Variants in TBX15 observed in about 807,000 individuals in gnomAD.
The protein encoded by TBX15 is T-box transcription factor TBX15.
Under a neutral mutation model 53.9 loss-of-function variants are expected in TBX15, and 18 were observed. That is an observed-to-expected ratio of 0.33 (90% CI 0.23 to 0.49). The LOEUF is 0.49. Among genes scored for constraint, TBX15 ranks in the 20% least tolerant of loss-of-function variants. The probability of loss-of-function intolerance (pLI) is 0.98; values close to 1 mark genes in which losing one functional copy is unlikely to be tolerated. For synonymous variants in TBX15, 295 were observed against 278.0 expected (o/e 1.06, Z -0.61); for missense variants, 692 against 749.5 (o/e 0.92, Z 0.90).
intron 1 of TBX15, among the ~76,000 whole-genome samples, chr1:118,980,305 G>A (rs1363626976): frequency 2.6e-5 from 4 of 152,062 alleles, no homozygotes; most frequent in Non-Finnish European, 4.4e-5. Flanking sequence ...CGGAAAATCG[G>A]TTCATCCAGT....
intron 7 of TBX15, among the ~76,000 whole-genome samples, chr1:118,893,598 G>A (rs533762789): frequency 0.015 from 1,741 of 118,998 alleles, 125 homozygotes; most frequent in African/African-American, 0.075. Context: ...AAGGAAGGAA[G>A]GAAAGAAAGA....
intron 6 of TBX15, among the ~76,000 whole-genome samples, chr1:118,910,145 T>C (rs1445022859): frequency 6.6e-6 from 1 of 152,138 alleles, no homozygotes; most frequent in Non-Finnish European, 1.5e-5. Flanking sequence ...GGGATTGAGA[T>C]TGACAAACCT....
rs906346611 is a variant in TBX15, at chr1:118,899,198, A to C, written c.927-73T>G. ...ATGCATTGACTTTTCAGAGATCCAGAGGTGGACTGTCAAACAGGTAATAAA... is the reference window on the plus strand; with the variant it reads ...ATGCATTGACTTTTCAGAGATCCAGCGGTGGACTGTCAAACAGGTAATAAA... On this transcript the variant is annotated intron_variant, in intron 6 of 7. Transcript: ENST00000369429. 4.4e-6 allele frequency: 6 copies of C among 1,349,238 alleles called. No homozygotes were observed. In the East Asian group the frequency reaches 1.4e-4, roughly 32 times the overall value. The allele number at this position is 1,349,238 out of a possible 1,614,324, so 83.6% of individuals were successfully genotyped here.
intron 1 of TBX15, among the ~76,000 whole-genome samples, chr1:118,934,822 G>C (rs1354678611): frequency 6.6e-6 from 1 of 152,214 alleles, no homozygotes; most frequent in Non-Finnish European, 1.5e-5. Context: ...GGCATAGGCA[G>C]TATTTGTCCA....
chr1:118,952,492 T>C (rs1395810475), intron 1 of TBX15, among the ~76,000 whole-genome samples: 1 of 152,164 alleles, frequency 6.6e-6, no homozygotes, highest in Non-Finnish European at 1.5e-5. Flanking sequence ...CTCAATTATT[T>C]TAAGTGTGGG....
At chr1:118,959,330 C>T (rs1343842878) in intron 1 of TBX15, among the ~76,000 whole-genome samples, 1 of 152,148 alleles carries the variant, frequency 6.6e-6, no homozygotes, top group Non-Finnish European at 1.5e-5. Flanking sequence ...CAAGAGAGAC[C>T]ATCAGCTCTC....
At chr1:118,887,458 T>G (rs1653983650) in intron 7 of TBX15, among the ~76,000 whole-genome samples, 1 of 152,150 alleles carries the variant, frequency 6.6e-6, no homozygotes, top group African/African-American at 2.4e-5. Context: ...GTGGATCACT[T>G]GAGGTCAGGA....
chr1:118,961,862 G>A (rs1656888725), intron 1 of TBX15, among the ~76,000 whole-genome samples: 1 of 152,154 alleles, frequency 6.6e-6, no homozygotes, highest in South Asian at 2.1e-4. Context: ...TCCAAGTGCT[G>A]AGATAAGACC....
chr1:118,908,233 A>C (rs1654901330), intron 6 of TBX15, among the ~76,000 whole-genome samples: 1 of 152,156 alleles, frequency 6.6e-6, no homozygotes, highest in Non-Finnish European at 1.5e-5. Context: ...TTTGTAGCTA[A>C]ATGAAAAATT....
chr1:118,935,375 A>C (rs1287762400), intron 1 of TBX15, among the ~76,000 whole-genome samples: 1 of 152,210 alleles, frequency 6.6e-6, no homozygotes, highest in Admixed American at 6.5e-5. Context: ...TGTGTTTTCA[A>C]GGTCATTTAT....
In TBX15 at chr1:118,924,850, GAC is replaced by G. The variant is rs766679833; in HGVS notation, c.522-35_522-34del. 23 of 1,613,290 alleles carry G rather than the reference GAC, an allele frequency of 1.4e-5. No individual in the cohort carries two copies. In the East Asian group the frequency reaches 4.9e-4, roughly 34 times the overall value. On this transcript the variant is annotated intron_variant, in intron 3 of 7. Transcript: ENST00000369429. ...AAAGAGGAAGAGAGGAAAATTCAGAGACAGAGGCAGAGAAGGGACAGAGGCCC... is the reference window on the plus strand; with the variant it reads ...AAAGAGGAAGAGAGGAAAATTCAGAGAGAGGCAGAGAAGGGACAGAGGCCC...
At chr1:118,898,985 C>T (rs1462891341) in intron 7 of TBX15, 43 bp downstream of exon 7, 1 of 1,594,216 alleles carries the variant, frequency 6.3e-7, no homozygotes, top group African/African-American at 1.3e-5. Flanking sequence ...CCACTCTGTC[C>T]CTGGCCCTAT....
intron 6 of TBX15, among the ~76,000 whole-genome samples, chr1:118,910,145 T>A (rs1445022859): frequency 1.3e-5 from 2 of 152,138 alleles, no homozygotes; most frequent in African/African-American, 4.8e-5. Context: ...GGGATTGAGA[T>A]TGACAAACCT....
At chr1:118,906,426 T>C (rs1280438201) in intron 6 of TBX15, among the ~76,000 whole-genome samples, 1 of 152,170 alleles carries the variant, frequency 6.6e-6, no homozygotes. Flanking sequence ...CTTTTCCTCG[T>C]CCCTTCTTTT....
At position 118,923,473 on chromosome 1, in the gene TBX15, G is replaced by C; in HGVS notation, c.824C>G (p.Thr275Ser). 6.2e-7 allele frequency: 1 copy of C among 1,613,980 alleles called. No homozygotes were observed. Among genetic ancestry groups the C allele is most frequent in the Non-Finnish European group, 8.5e-7 (1 of 1,179,934 alleles). Residue 275 changes from threonine (T) to serine (S), a missense_variant, in exon 5 of 8, where the codon ACT becomes AGT. This residue lies in a region of TBX15 where 307 missense variants were observed against 347.5 expected (regional missense o/e 0.88). Transcript: ENST00000369429. ...ATAGGCCGTAACTGTGGTGAACACA[G>C]TCTCAGGAAAGTTGAACGTTTTCAC... ...DGVKTFNFPE[T>S]VFTTVTAYQN...
intron 7 of TBX15, among the ~76,000 whole-genome samples, chr1:118,893,108 G>C (rs1440203814): frequency 6.6e-6 from 1 of 151,690 alleles, no homozygotes; most frequent in African/African-American, 2.4e-5. Context: ...GCATGGTGGT[G>C]TGCACCTGTA....
chr1:118,907,592 G>A (rs1167609816), intron 6 of TBX15, among the ~76,000 whole-genome samples: 1 of 152,108 alleles, frequency 6.6e-6, no homozygotes. Context: ...CAGGGTCTTG[G>A]CAGTTGTCAT....
intron 1 of TBX15, among the ~76,000 whole-genome samples, chr1:118,943,787 C>T (rs560685770): frequency 6.6e-6 from 1 of 152,090 alleles, no homozygotes; most frequent in Non-Finnish European, 1.5e-5. Flanking sequence ...ACTGAGGAGG[C>T]AGAAAAAAAT....
intron 4 of TBX15, 49 bp downstream of exon 4, chr1:118,924,597 C>T (rs757712578): frequency 6.2e-7 from 1 of 1,611,426 alleles, no homozygotes; most frequent in Admixed American, 1.7e-5. Flanking sequence ...AGCTCTAAAG[C>T]AAACAGAGGA....
Sources: gnomAD v4.1 joint callset for allele counts (sites outside exome capture counted in the v4.1 genomes callset) on GRCh38, gnomAD v4.1.1 for gene constraint, gnomAD v4.1.1 regional missense constraint, MANE v1.5 for transcripts, NCBI Gene and HGNC (gene_info 2026-07-23, HGNC 2026-07-21) for gene names.